ABCC1: variants seen among roughly 807,000 people sequenced by gnomAD.
ABCC1 encodes ATP binding cassette subfamily C member 1 (ABCC1 blood group).
A neutral mutation model predicts 172.9 loss-of-function variants in ABCC1; 83 were observed. The ratio of observed to expected loss-of-function variants is 0.48; its 90% CI spans 0.40 to 0.58. The LOEUF is 0.58. Among genes scored for constraint, ABCC1 ranks in the 20% least tolerant of loss-of-function variants. The probability of loss-of-function intolerance (pLI) is 0.00; values close to 1 mark genes in which losing one functional copy is unlikely to be tolerated. For missense variants in ABCC1, 1,817 were observed against 2,002.7 expected, an observed-to-expected ratio of 0.91 and a Z score of 1.77; for synonymous variants, 937 against 825.2, an observed-to-expected ratio of 1.14 and a Z score of -2.32.
intron 7 of ABCC1, among the ~76,000 whole-genome samples, chr16:16,041,272 A>G (rs1282997266): frequency 6.6e-6 from 1 of 152,082 alleles, no homozygotes; most frequent in East Asian, 1.9e-4. Flanking sequence ...CTGAGAATTC[A>G]GTGAGATATA....
chr16:16,055,851 A>G (rs2049627427), intron 11 of ABCC1, among the ~76,000 whole-genome samples: 1 of 151,144 alleles, frequency 6.6e-6, no homozygotes, highest in African/African-American at 2.4e-5. Flanking sequence ...TTTTTAATAG[A>G]CGGTGAAGTT....
At chr16:16,133,488 C>G (rs2045787988) in intron 27 of ABCC1, among the ~76,000 whole-genome samples, 2 of 152,148 alleles carry the variant, frequency 1.3e-5, no homozygotes, top group Non-Finnish European at 2.9e-5. Flanking sequence ...ACTGCAACCT[C>G]CGTCCCCTGG....
chr16:16,088,202 T>A lies in ABCC1; in HGVS notation c.2460+1211T>A, dbSNP rs182951831. On this transcript the variant is annotated intron_variant, in intron 18 of 30. Coordinates refer to ENST00000399410, the MANE Select transcript of ABCC1 (RefSeq NM_004996.4). ...GGCACGGTGAGTAATCCCAACACTT[T>A]TGGAGGCCTAGACCAGTGGATCACC... 1.6e-4 allele frequency among the ~76,000 whole-genome samples: 24 copies of A among 151,990 alleles called. No homozygotes were observed. In the East Asian group the frequency reaches 4.3e-3, roughly 27 times the overall value.
intron 27 of ABCC1, 141 bp from the exon 28 acceptor site, chr16:16,134,209 C>T: frequency 1.0e-6 from 1 of 994,588 alleles, no homozygotes; most frequent in Non-Finnish European, 1.5e-6. Flanking sequence ...TGTCTCTGGG[C>T]AGCGCGCAAG....
intron 3 of ABCC1, among the ~76,000 whole-genome samples, chr16:16,012,482 T>G (rs2047823109): frequency 9.3e-6 from 1 of 107,654 alleles, no homozygotes; most frequent in South Asian, 2.6e-4. Context: ...GGTATTAGAG[T>G]GGATTTTTTT....
intron 12 of ABCC1, among the ~76,000 whole-genome samples, chr16:16,057,275 C>G (rs182827675): frequency 1.8e-3 from 276 of 151,226 alleles, no homozygotes; most frequent in African/African-American, 6.5e-3. Context: ...ATGAGAATCC[C>G]TTGAACCTGG....
At chr16:16,123,933 C>A (rs574876879) in intron 24 of ABCC1, among the ~76,000 whole-genome samples, 17 of 152,248 alleles carry the variant, frequency 1.1e-4, no homozygotes, top group Non-Finnish European at 1.9e-4. Context: ...AGGAGGATCA[C>A]TGGAACTTGG....
At chr16:15,986,281 C>G (rs2046742276) in intron 1 of ABCC1, among the ~76,000 whole-genome samples, 1 of 152,152 alleles carries the variant, frequency 6.6e-6, no homozygotes, top group Non-Finnish European at 1.5e-5. Context: ...CCTCTTGTCC[C>G]TTATAATTCC....
At chr16:15,950,030 G>A (rs2151463526) in intron 1 of ABCC1, among the ~76,000 whole-genome samples, 1 of 152,214 alleles carries the variant, frequency 6.6e-6, no homozygotes, top group East Asian at 1.9e-4. Context: ...CGCGTGCCCA[G>A]CCCTGGGGTT....
In ABCC1 at chr16:16,056,072, G is replaced by A. The variant is rs771879698; in HGVS notation, c.1474-20G>A. 6.2e-7 allele frequency: 1 copy of A among 1,612,780 alleles called. No individual in the cohort carries two copies. The highest frequency in any genetic ancestry group is 2.2e-5 in the East Asian group (1 of 44,850). On this transcript the variant is annotated intron_variant, in intron 11 of 30. Coordinates refer to ENST00000399410, the MANE Select transcript of ABCC1 (RefSeq NM_004996.4). ...ATCCCAGGGTCGCCCCAGATGTGTT[G>A]ACTGCCCGTCTCTTCCAAGGTGGCC...
intron 12 of ABCC1, among the ~76,000 whole-genome samples, chr16:16,066,437 T>C (rs1271075806): frequency 3.3e-5 from 5 of 151,732 alleles, no homozygotes; most frequent in Non-Finnish European, 5.9e-5. Context: ...CGCCTCAGCC[T>C]CCCGAAGTGC....
intron 6 of ABCC1, among the ~76,000 whole-genome samples, chr16:16,034,899 A>G (rs2048695789): frequency 6.6e-6 from 1 of 151,926 alleles, no homozygotes; most frequent in South Asian, 2.1e-4. Context: ...TTAACTGTTT[A>G]AGTGGTTCAG....
intron 7 of ABCC1, among the ~76,000 whole-genome samples, chr16:16,037,154 G>T (rs1454287678): frequency 1.3e-5 from 2 of 151,922 alleles, no homozygotes; most frequent in African/African-American, 2.4e-5. Context: ...GATGCTGTCT[G>T]CCATGGCGCG....
In ABCC1 at chr16:16,090,751, C is replaced by T. The variant is rs903299144; in HGVS notation, c.2644+163C>T. On this transcript the variant is annotated intron_variant, in intron 19 of 30. Transcript: ENST00000399410. ...CCTAAAGAAGCAATGTGGAAAACCA[C>T]CTTAGTCCCTGCAGCGCTGAACTGG... Among the ~76,000 whole-genome samples, 3 of 152,180 alleles carry T rather than the reference C, an allele frequency of 2.0e-5. No individual in the cohort carries two copies. In the South Asian group the frequency reaches 6.2e-4, roughly 32 times the overall value.
intron 1 of ABCC1, among the ~76,000 whole-genome samples, chr16:15,990,443 A>G (rs1314851826): frequency 1.3e-5 from 2 of 152,160 alleles, no homozygotes; most frequent in Non-Finnish European, 2.9e-5. Flanking sequence ...TTGTATGACC[A>G]AAACTTTATA....
In ABCC1 at chr16:16,141,632, A is replaced by C. The variant is rs941535756; in HGVS notation, c.*351A>C. ...CCAGACTTCTGGAGGAATTGGTTGT[A>C]TAGAAGATCCTAGTGACCAAATTCA... On this transcript the variant is annotated 3_prime_UTR_variant, in exon 31 of 31. Coordinates refer to ENST00000399410, the MANE Select transcript of ABCC1 (RefSeq NM_004996.4). The C allele has an allele frequency of 3.6e-6, 1 of 280,496 alleles. No homozygotes were observed. Among genetic ancestry groups the C allele is most frequent in the Non-Finnish European group, 6.8e-6 (1 of 147,982 alleles). 17.4% of individuals were successfully genotyped at this position (280,496 alleles called of 1,614,324 possible).
At chr16:16,054,191 T>C (rs2049553500) in intron 11 of ABCC1, among the ~76,000 whole-genome samples, 1 of 152,102 alleles carries the variant, frequency 6.6e-6, no homozygotes, top group Non-Finnish European at 1.5e-5. Flanking sequence ...GCCAGGCTGG[T>C]CTTGAACTCC....
Position 16,141,513 on chromosome 16 carries a change from A to C in ABCC1, c.*232A>C. 1.9e-6 allele frequency: 1 copy of C among 517,376 alleles called. No homozygotes were observed. The highest frequency in any genetic ancestry group is 3.5e-6 in the Non-Finnish European group (1 of 289,250). 32.0% of individuals were successfully genotyped at this position (517,376 alleles called of 1,614,324 possible). ...GATGCGAACCACCCAAAACACGCAC[A>C]CCCTGCCCCTGGTGCCCTGAGACAG... is the stretch of plus-strand genomic sequence containing the variant. On this transcript the variant is annotated 3_prime_UTR_variant, in exon 31 of 31. Coordinates refer to ENST00000399410, the MANE Select transcript of ABCC1 (RefSeq NM_004996.4).
chr16:15,970,695 C>G (rs1410988175), intron 1 of ABCC1, among the ~76,000 whole-genome samples: 1 of 152,220 alleles, frequency 6.6e-6, no homozygotes, highest in Non-Finnish European at 1.5e-5. Context: ...TCTTTCCCCC[C>G]TCCTTGCTTA....
Sources: allele counts gnomAD v4.1 joint callset (sites outside exome capture counted in the v4.1 genomes callset), GRCh38; gene constraint gnomAD v4.1.1; transcripts MANE v1.5; gene names NCBI Gene and HGNC (gene_info 2026-07-23, HGNC 2026-07-21).